SIPA1L3: variants seen among roughly 807,000 people sequenced by gnomAD.
The protein encoded by SIPA1L3 is signal induced proliferation associated 1 like 3.
Under a neutral mutation model 150.1 loss-of-function variants are expected in SIPA1L3, and 59 were observed. The ratio of observed to expected loss-of-function variants is 0.39; its 90% CI spans 0.32 to 0.49. The LOEUF is 0.49. Among genes scored for constraint, SIPA1L3 ranks in the 20% least tolerant of loss-of-function variants. SIPA1L3 has a pLI of 0.86. For synonymous variants in SIPA1L3, 1,070 were observed against 1,077.6 expected, an observed-to-expected ratio of 0.99 and a Z score of 0.14; for missense variants, 2,211 against 2,489.5, an observed-to-expected ratio of 0.89 and a Z score of 2.38.
chr19:38,192,450 G>A, intron 17 of SIPA1L3, 140 bp downstream of exon 17: 1 of 750,652 alleles, frequency 1.3e-6, no homozygotes, highest in African/African-American at 1.8e-5. Context: ...GCATCTGCCA[G>A]TCCTGTTGGG....
chr19:37,929,328 A>G (rs1294467255), intron 1 of SIPA1L3, among the ~76,000 whole-genome samples: 5 of 152,186 alleles, frequency 3.3e-5, no homozygotes, highest in African/African-American at 4.8e-5. Context: ...TAGGCAGACA[A>G]TTGGTTTTGC....
intron 4 of SIPA1L3, among the ~76,000 whole-genome samples, chr19:38,096,173 CAT>C (rs1358104048): frequency 1.1e-4 from 16 of 152,140 alleles, no homozygotes; most frequent in African/African-American, 3.6e-4. Flanking sequence ...GAAGTCATGA[CAT>C]GTTATTTTTG....
chr19:37,973,666 C>T (rs1255506424), intron 1 of SIPA1L3, among the ~76,000 whole-genome samples: 2 of 151,926 alleles, frequency 1.3e-5, no homozygotes, highest in African/African-American at 2.4e-5. Flanking sequence ...GCCTGTCCCC[C>T]ATCCCACACT....
rs372458635 is a variant in SIPA1L3 at position 37,934,267 on chromosome 19, C to T, written c.-379+26909C>T. 1.6e-4 allele frequency among the ~76,000 whole-genome samples: 25 copies of T among 152,254 alleles called. No homozygotes were observed. The East Asian group carries it at 3.1e-3, about 19-fold the overall frequency. On this transcript the variant is annotated intron_variant, in intron 1 of 21. Transcript: ENST00000222345. The stretch of plus-strand genomic sequence containing the variant: ...GGGACTGAGGTGCTGATGGACTTCG[C>T]GCCGCTGTAGCATACATCATCGCAT...
intron 3 of SIPA1L3, among the ~76,000 whole-genome samples, chr19:38,085,362 C>G (rs1970102294): frequency 6.6e-6 from 1 of 151,960 alleles, no homozygotes; most frequent in African/African-American, 2.4e-5. Flanking sequence ...CGCCTGTAGT[C>G]CCAGCTACTC....
intron 1 of SIPA1L3, among the ~76,000 whole-genome samples, chr19:37,948,117 C>T (rs1216378401): frequency 2.0e-5 from 3 of 152,210 alleles, no homozygotes; most frequent in Non-Finnish European, 4.4e-5. Context: ...ACTCTTCTGT[C>T]CCCATGGCTG....
intron 4 of SIPA1L3, among the ~76,000 whole-genome samples, chr19:38,091,680 G>A (rs1970262148): frequency 6.6e-6 from 1 of 152,168 alleles, no homozygotes; most frequent in African/African-American, 2.4e-5. Flanking sequence ...TTTTGACTAA[G>A]TCAGCTTAGA....
rs932637254 is a variant in SIPA1L3 at position 38,039,387 on chromosome 19, G to A, written c.-311+10231G>A. Among the ~76,000 whole-genome samples, 12 of 135,828 alleles carry A rather than the reference G, an allele frequency of 8.8e-5. No individual in the cohort carries two copies. In the East Asian group the frequency reaches 1.2e-3, roughly 14 times the overall value. The allele number at this position is 135,828 out of a possible 152,430, so 89.1% of individuals were successfully genotyped here. A position where few individuals can be genotyped will look rare whatever the true frequency, so the allele number is the denominator to read the frequency against. ...AAGAGATGAAAAAAAGTTTGCCAGC[G>A]GGGGGTGGGGGTGGTGGGGGTGGGG... On this transcript the variant is annotated intron_variant, in intron 2 of 21. Transcript: ENST00000222345.
chr19:38,165,341 A>G (rs332861), intron 15 of SIPA1L3, among the ~76,000 whole-genome samples: 93,670 of 152,070 alleles, frequency 0.62, 29,416 homozygotes, highest in African/African-American at 0.72. Context: ...AGTCCAGAGA[A>G]GGCAGAGCCA....
At chr19:38,192,911 C>T (rs1972835773) in intron 17 of SIPA1L3, among the ~76,000 whole-genome samples, 1 of 152,156 alleles carries the variant, frequency 6.6e-6, no homozygotes, top group Admixed American at 6.5e-5. Flanking sequence ...GGTCCCAGCA[C>T]TGACTCTGGT....
At chr19:38,030,644 ATATATATG>A (rs56183957) in intron 2 of SIPA1L3, among the ~76,000 whole-genome samples, 27,154 of 101,240 alleles carry the variant, frequency 0.27, 3,665 homozygotes, top group Admixed American at 0.3. Context: ...ATATATATAT[ATATATATG>A]GCAAATACTT....
intron 1 of SIPA1L3, among the ~76,000 whole-genome samples, chr19:37,967,878 CAA>C (rs1445330368): frequency 1.3e-5 from 2 of 152,146 alleles, no homozygotes; most frequent in African/African-American, 4.8e-5. Context: ...AGGCTAGTCT[CAA>C]ACTCCCGAGC....
rs894337074 is a variant in SIPA1L3 at position 38,123,845 on chromosome 19, G to A, written c.2868+3963G>A. On this transcript the variant is annotated intron_variant, in intron 9 of 21. Coordinates refer to ENST00000222345, the MANE Select transcript of SIPA1L3 (RefSeq NM_015073.3). ...CTCACTTCCCAGTAGGGGTGGCCGG[G>A]CAGAGGCGCCCCTCACCTCCCGGAC... Among the ~76,000 whole-genome samples, 19 of 127,158 alleles carry A rather than the reference G, an allele frequency of 1.5e-4. 2 individuals carry two copies. The highest frequency in any genetic ancestry group is 1.3e-3 in the East Asian group (6 of 4,552). The allele number at this position is 127,158 out of a possible 152,430, so 83.4% of individuals were successfully genotyped here.
intron 1 of SIPA1L3, among the ~76,000 whole-genome samples, chr19:38,000,016 AATG>A (rs1599884390): frequency 6.6e-6 from 1 of 152,324 alleles, no homozygotes; most frequent in East Asian, 1.9e-4. Flanking sequence ...TCATTTGTAA[AATG>A]ATGATAGTAC....
chr19:38,014,958 C>T (rs767197472), intron 1 of SIPA1L3, among the ~76,000 whole-genome samples: 29 of 152,050 alleles, frequency 1.9e-4, no homozygotes, highest in Non-Finnish European at 3.2e-4. Context: ...TGTGAGCCAC[C>T]GTGCCTGGCA....
chr19:37,952,919 T>A (rs353409), intron 1 of SIPA1L3, among the ~76,000 whole-genome samples: 125,233 of 152,154 alleles, frequency 0.82, 52,140 homozygotes, highest in African/African-American at 0.94. Flanking sequence ...TTGCATACAC[T>A]TCAGAGTGTG....
chr19:38,085,357 G>C (rs997225874), intron 3 of SIPA1L3, among the ~76,000 whole-genome samples: 7 of 151,908 alleles, frequency 4.6e-5, no homozygotes, highest in African/African-American at 1.7e-4. Flanking sequence ...GTGGGCGCCT[G>C]TAGTCCCAGC....
At chr19:38,100,178 C>T (rs758750981) in intron 5 of SIPA1L3, 28 bp downstream of exon 5, 4 of 1,505,532 alleles carry the variant, frequency 2.7e-6, no homozygotes, top group Non-Finnish European at 3.5e-6. Flanking sequence ...GGTGGGGGTG[C>T]TGCTGGGGCA....
intron 18 of SIPA1L3, among the ~76,000 whole-genome samples, chr19:38,194,365 C>T (rs1021581163): frequency 1.5e-4 from 22 of 149,092 alleles, no homozygotes; most frequent in Admixed American, 1.1e-3. Flanking sequence ...TTACCCACCT[C>T]CTAACCCCCC....
Sources: gnomAD v4.1 joint callset for allele counts (sites outside exome capture counted in the v4.1 genomes callset) on GRCh38, gnomAD v4.1.1 for gene constraint, MANE v1.5 for transcripts, NCBI Gene and HGNC (gene_info 2026-07-23, HGNC 2026-07-21) for gene names.